The following CCP110 variants were observed in gnomAD, a reference collection of about 807,000 sequenced individuals.
CCP110 encodes centriolar coiled-coil protein 110, also known as centriolar coiled-coil protein of 110 kDa.
In CCP110, 43 loss-of-function variants were observed where a neutral mutation model predicts 105.5. The observed-to-expected ratio is 0.41, with a 90% CI of 0.32 to 0.53. CCP110 has a LOEUF of 0.53. Ranked by LOEUF, CCP110 falls within the 20% of genes least tolerant of loss-of-function variation. CCP110 has a pLI of 0.32. For synonymous variants in CCP110, 353 were observed against 392.1 expected (o/e 0.90, Z 1.18); for missense variants, 1,016 against 1,189.1 (o/e 0.85, Z 2.14).
At chr16:19,527,991 G>T in exon 2 of CCP110, 1 of 1,612,414 alleles carries the variant, frequency 6.2e-7, no homozygotes, top group Non-Finnish European at 8.5e-7. Flanking sequence ...TCACTTATTC[G>T]CTTTCATGGA....
intron 4 of CCP110, among the ~76,000 whole-genome samples, chr16:19,538,998 G>C (rs1268176197): frequency 6.6e-6 from 1 of 151,834 alleles, no homozygotes; most frequent in Non-Finnish European, 1.5e-5. Flanking sequence ...TTTAATCCCA[G>C]CTACTTGGGA....
chr16:19,542,761 G>T lies in CCP110; in HGVS notation c.2367+1G>T. On this transcript the variant is annotated splice_donor_variant, in intron 7 of 14. Coordinates refer to ENST00000381396, the Ensembl canonical transcript of CCP110. LOFTEE classifies it high-confidence loss of function. ...AAGAGCCAAAACTAGATGGTCTCAA[G>T]TGGGTAAACTTAATGATACATGTCC... The T allele has an allele frequency of 6.2e-7, 1 of 1,612,612 alleles. No homozygotes were observed. Among genetic ancestry groups the T allele is most frequent in the Non-Finnish European group, 8.5e-7 (1 of 1,178,706 alleles).
intron 4 of CCP110, 31 bp downstream of exon 4, chr16:19,537,618 C>T (rs897084597): frequency 3.3e-6 from 4 of 1,204,712 alleles, no homozygotes; most frequent in Non-Finnish European, 4.7e-6. Context: ...TTGATACCTT[C>T]TATGCAGATA....
chr16:19,535,914 AT>A, intron 3 of CCP110, 25 bp from the exon 4 acceptor site: 1 of 1,442,472 alleles, frequency 6.9e-7, no homozygotes, highest in Middle Eastern at 1.9e-4. Flanking sequence ...ATGAGGAAAT[AT>A]TAATTTTTAA....
At chr16:19,526,504 TCTCA>T (rs934051284) in intron 1 of CCP110, 9 of 152,232 alleles carry the variant, frequency 5.9e-5, no homozygotes, top group African/African-American at 1.7e-4. Context: ...TGTAAAATAG[TCTCA>T]CTCACACTGT....
At chr16:19,546,426 G>T (rs1433258669) in exon 12 of CCP110, 5 of 1,581,934 alleles carry the variant, frequency 3.2e-6, no homozygotes, top group Admixed American at 1.7e-5. Flanking sequence ...GCTGAAATGG[G>T]AATGCCAAAT....
At chr16:19,525,147 G>C (rs1279305118) in intron 1 of CCP110, 2 of 150,600 alleles carry the variant, frequency 1.3e-5, no homozygotes, top group Non-Finnish European at 2.9e-5. Flanking sequence ...AGAAACACTA[G>C]GTTCTGCAAA....
intron 4 of CCP110, among the ~76,000 whole-genome samples, chr16:19,539,602 C>T (rs1236308631): frequency 6.6e-6 from 1 of 151,850 alleles, no homozygotes; most frequent in African/African-American, 2.4e-5. Context: ...GATCAGCCCT[C>T]CTTGGCCTCC....
chr16:19,543,012 C>A lies in CCP110; in HGVS notation c.2484+18C>A. ...CTGTAAAAGTAAGATTCCTGTAAATCGTTTGTATTTCACTTCTGTCTTAGT... is the reference window on the plus strand; with the variant it reads ...CTGTAAAAGTAAGATTCCTGTAAATAGTTTGTATTTCACTTCTGTCTTAGT... On this transcript the variant is annotated intron_variant, in intron 8 of 14. Coordinates refer to ENST00000381396, the Ensembl canonical transcript of CCP110. 1.5e-6 allele frequency: 2 copies of A among 1,314,160 alleles called. No homozygotes were observed. Among genetic ancestry groups the A allele is most frequent in the South Asian group, 2.4e-5 (2 of 83,678 alleles). The allele number at this position is 1,314,160 out of a possible 1,614,324, so 81.4% of individuals were successfully genotyped here.
At chr16:19,544,932 T>C in intron 9 of CCP110, 34 bp downstream of exon 9, 1 of 1,148,666 alleles carries the variant, frequency 8.7e-7, no homozygotes, top group East Asian at 2.4e-5. Context: ...TTTTAAGACA[T>C]GGACATATTA....
At chr16:19,541,956 A>T in exon 6 of CCP110, 3 of 1,611,540 alleles carry the variant, frequency 1.9e-6, no homozygotes, top group Non-Finnish European at 2.5e-6. Context: ...TGAGTTGGAC[A>T]TTAACAATGC....
chr16:19,550,750 T>C (rs1402558236), intron 14 of CCP110, among the ~76,000 whole-genome samples: 1 of 152,240 alleles, frequency 6.6e-6, no homozygotes, highest in African/African-American at 2.4e-5. Flanking sequence ...GCAAAGCATT[T>C]AGTTATTTAT....
chr16:19,548,315 C>T lies in CCP110; in HGVS notation c.2901-200C>T, dbSNP rs1380371918. On this transcript the variant is annotated intron_variant, in intron 13 of 14. Transcript: ENST00000381396. This position sits in a 1 kb window ranked among gnomAD's most constrained non-coding sequence, Gnocchi z 4.1. ...AATTCAGCATCACCGAAGTGATTCT[C>T]CAACAGAGTATGACTCGTGCTTATA... 2 of 581,462 alleles carry T rather than the reference C, an allele frequency of 3.4e-6. No individual in the cohort carries two copies. Among genetic ancestry groups the T allele is most frequent in the African/African-American group, 1.9e-5 (1 of 53,680 alleles). The allele number at this position is 581,462 out of a possible 1,614,324, so 36.0% of individuals were successfully genotyped here.
chr16:19,545,957 T>C (rs1970444505), intron 11 of CCP110, 67 bp downstream of exon 11: 1 of 873,260 alleles, frequency 1.1e-6, no homozygotes, highest in Non-Finnish European at 1.9e-6. Context: ...GTTGGTCTAT[T>C]TGCATATTTA....
intron 14 of CCP110, among the ~76,000 whole-genome samples, chr16:19,550,074 AGTCTGTTGCT>A (rs1970584762): frequency 6.6e-6 from 1 of 152,222 alleles, no homozygotes; most frequent in Non-Finnish European, 1.5e-5. Flanking sequence ...CAAGTACAAA[AGTCTGTTGCT>A]GTTGTTTTCT....
chr16:19,552,998 A>C (rs947510763), exon 15 of CCP110: 3 of 152,264 alleles, frequency 2.0e-5, no homozygotes, highest in Non-Finnish European at 4.4e-5. Flanking sequence ...GTGCTTTATC[A>C]TTCTGAAAAC....
At position 19,541,882 on chromosome 16, in the gene CCP110, T is replaced by C; in HGVS notation, c.2050-5T>C. 6.4e-7 allele frequency: 1 copy of C among 1,561,016 alleles called. No individual in the cohort carries two copies. The highest frequency in any genetic ancestry group is 8.7e-7 in the Non-Finnish European group (1 of 1,154,226). On this transcript the variant is annotated splice_region_variant and splice_polypyrimidine_tract_variant and intron_variant, in intron 5 of 14. Coordinates refer to ENST00000381396, the Ensembl canonical transcript of CCP110. ...AGCATGTTACAATAAACTGTTCATG[T>C]ATAGGAAATAGAAGAGCAGGAGAAA...
intron 12 of CCP110, chr16:19,546,923 T>C (rs1206481244): frequency 3.2e-5 from 5 of 156,040 alleles, no homozygotes; most frequent in Non-Finnish European, 5.7e-5. Flanking sequence ...CTGAATTGGG[T>C]CGGGGGTCGT....
At chr16:19,530,724 T>G (rs1969836581) in intron 2 of CCP110, among the ~76,000 whole-genome samples, 1 of 150,020 alleles carries the variant, frequency 6.7e-6, no homozygotes, top group Non-Finnish European at 1.5e-5. Context: ...GAGCCCGAGA[T>G]GGGTGTATCA....
Sources: gnomAD v4.1 joint callset for allele counts (sites outside exome capture counted in the v4.1 genomes callset) on GRCh38, gnomAD v4.1.1 for gene constraint, Gnocchi (gnomAD v3.1) non-coding constraint, MANE v1.5 for transcripts, NCBI Gene and HGNC (gene_info 2026-07-23, HGNC 2026-07-21) for gene names.